The following ASGR2 variants were observed in gnomAD, a reference collection of about 807,000 sequenced individuals.
ASGR2 encodes C-type lectin domain family 4 member H2.
A neutral mutation model predicts 32.3 loss-of-function variants in ASGR2; 34 were observed. That is an observed-to-expected ratio of 1.05 (90% CI 0.80 to 1.40). The LOEUF (loss-of-function observed/expected upper bound fraction) is 1.40, where lower values mean the gene tolerates loss of function less well. Among genes scored for constraint, ASGR2 ranks in the 40% most tolerant of loss-of-function variants. The pLI is 0.00. For missense variants in ASGR2, 385 were observed against 386.4 expected, an observed-to-expected ratio of 1.00 and a Z score of 0.03; for synonymous variants, 143 against 150.0, an observed-to-expected ratio of 0.95 and a Z score of 0.34.
intron 7 of ASGR2, among the ~76,000 whole-genome samples, chr17:7,104,701 G>T (rs1187493779): frequency 1.3e-5 from 2 of 151,400 alleles, no homozygotes; most frequent in Non-Finnish European, 2.9e-5. Flanking sequence ...GAGGGGCCGG[G>T]CGTGGTGGCT....
chr17:7,104,264 C>G (rs1597375532), intron 7 of ASGR2, among the ~76,000 whole-genome samples: 1 of 147,932 alleles, frequency 6.8e-6, no homozygotes, highest in South Asian at 2.2e-4. Context: ...AGGAGAATCG[C>G]TTGAACCTGG....
At position 7,114,039 on chromosome 17, in the gene ASGR2, C is replaced by A; in HGVS notation, c.124+78G>T. 1 of 1,580,914 alleles carries A rather than the reference C, an allele frequency of 6.3e-7. No individual in the cohort carries two copies. Among genetic ancestry groups the A allele is most frequent in the Non-Finnish European group, 8.6e-7 (1 of 1,162,944 alleles). The stretch of plus-strand genomic sequence containing the variant: ...TCAGTCCCTGTTCACAGAGTGGGTG[C>A]GGCAGAGACCTCAAAGGGACAGAGC... On this transcript the variant is annotated intron_variant, in intron 2 of 8. Transcript: ENST00000691900. This position sits in a 1 kb window ranked among gnomAD's most constrained non-coding sequence, Gnocchi z 4.5.
chr17:7,101,464 A>G lies in ASGR2; in HGVS notation c.*111T>C, dbSNP rs909137640. The G allele has an allele frequency of 1.1e-5, 15 of 1,411,636 alleles. No homozygotes were observed. The African/African-American group carries it at 1.4e-4, about 13-fold the overall frequency. The allele number at this position is 1,411,636 out of a possible 1,614,324, so 87.4% of individuals were successfully genotyped here. On this transcript the variant is annotated 3_prime_UTR_variant, in exon 9 of 9. Coordinates refer to ENST00000691900, the MANE Select transcript of ASGR2 (RefSeq NM_001201352.2). ...AACTACCTCCTTTCTCTCTTTGCTC[A>G]GCTCTTCCCCATACCCCTGTCTCAG...
Position 7,114,667 on chromosome 17 carries a change from T to G in ASGR2, c.-123A>C. The G allele has an allele frequency of 9.8e-7, 1 of 1,024,572 alleles. No individual in the cohort carries two copies. The highest frequency in any genetic ancestry group is 1.2e-6 in the Non-Finnish European group (1 of 853,278). 63.5% of individuals were successfully genotyped at this position (1,024,572 alleles called of 1,614,324 possible). ...TGGCTCCCGCAGGCAACCCTGGCCT[T>G]GGCCAAGGAGGGGTTAAAGCCAGGA... On this transcript the variant is annotated 5_prime_UTR_variant, in exon 1 of 9. Transcript: ENST00000691900. The surrounding 1 kb of genome is among the most constrained non-coding windows in gnomAD (Gnocchi z 4.5).
Position 7,108,582 on chromosome 17 carries a change from G to A in ASGR2, c.242-25C>T. ...CCTTGTCAGGTGGTAGTGGGGGCAGGATGAGGCAGAGGGGCCGTGTCCCCA... is the reference window on the plus strand; with the variant it reads ...CCTTGTCAGGTGGTAGTGGGGGCAGAATGAGGCAGAGGGGCCGTGTCCCCA... On this transcript the variant is annotated intron_variant, in intron 3 of 8. Transcript: ENST00000691900. The surrounding 1 kb of genome is among the most constrained non-coding windows in gnomAD (Gnocchi z 4.9). 1 of 1,605,738 alleles carries A rather than the reference G, an allele frequency of 6.2e-7. No individual in the cohort carries two copies. Among genetic ancestry groups the A allele is most frequent in the African/African-American group, 1.3e-5 (1 of 74,922 alleles).
At position 7,108,530 on chromosome 17, in the gene ASGR2, C is replaced by G; in HGVS notation, c.269G>C (p.Ser90Thr). 1 of 1,609,316 alleles carries G rather than the reference C, an allele frequency of 6.2e-7. No homozygotes were observed. The highest frequency in any genetic ancestry group is 2.2e-5 in the East Asian group (1 of 44,752). ...GAAGTTGCTGAAAGCTTCCTTCAGG[C>G]TCCGCAGCTCGGCTTGCAGCTGTGC... ...QSAQLQAELR[S>T]LKEAFSNFSS... The change falls in exon 4 of 9, where the codon AGC becomes ACC. Residue 90 changes from serine to threonine, a missense_variant. Transcript: ENST00000691900. The surrounding 1 kb of genome is among the most constrained non-coding windows in gnomAD (Gnocchi z 4.9).
In ASGR2 at chr17:7,108,318, T is replaced by G; in HGVS notation, c.337+144A>C. ...CTAACCTCGTCCGTCCCCACCTGCC[T>G]CCCTCCTATACATCCCCCAGGGCCC... On this transcript the variant is annotated intron_variant, in intron 4 of 8. Transcript: ENST00000691900. This position sits in a 1 kb window ranked among gnomAD's most constrained non-coding sequence, Gnocchi z 4.9. 1 of 826,024 alleles carries G rather than the reference T, an allele frequency of 1.2e-6. No homozygotes were observed. The highest frequency in any genetic ancestry group is 1.9e-6 in the Non-Finnish European group (1 of 536,404). 51.2% of individuals were successfully genotyped at this position (826,024 alleles called of 1,614,324 possible).
intron 2 of ASGR2, among the ~76,000 whole-genome samples, chr17:7,109,463 T>C (rs1458356695): frequency 6.6e-6 from 1 of 152,170 alleles, no homozygotes; most frequent in Non-Finnish European, 1.5e-5. Context: ...CATTCCACCA[T>C]AGCCCACTCT....
At position 7,114,265 on chromosome 17, in the gene ASGR2, G is replaced by A. The variant is rs1915190041; in HGVS notation, c.-25C>T. 1.2e-6 allele frequency: 2 copies of A among 1,612,690 alleles called. No individual in the cohort carries two copies. Among genetic ancestry groups the A allele is most frequent in the Admixed American group, 3.3e-5 (2 of 59,968 alleles). ...TGATGGGGCCCGGGCTGGAGCTGGA[G>A]CTGGAGCTGGGCTGGGCTGGGCTGA... On this transcript the variant is annotated 5_prime_UTR_variant, in exon 2 of 9. Coordinates refer to ENST00000691900, the MANE Select transcript of ASGR2 (RefSeq NM_001201352.2). This position sits in a 1 kb window ranked among gnomAD's most constrained non-coding sequence, Gnocchi z 4.5.
chr17:7,101,446 T>G lies in ASGR2; in HGVS notation c.*129A>C. On this transcript the variant is annotated 3_prime_UTR_variant, in exon 9 of 9. Coordinates refer to ENST00000691900, the MANE Select transcript of ASGR2 (RefSeq NM_001201352.2). ...CAGGGTCAGGGACTCTTAAACTACC[T>G]CCTTTCTCTCTTTGCTCAGCTCTTC... 1 of 1,263,024 alleles carries G rather than the reference T, an allele frequency of 7.9e-7. No individual in the cohort carries two copies. Among genetic ancestry groups the G allele is most frequent in the Non-Finnish European group, 1.1e-6 (1 of 937,430 alleles). 78.2% of individuals were successfully genotyped at this position (1,263,024 alleles called of 1,614,324 possible).
chr17:7,110,606 G>A (rs530733682), intron 2 of ASGR2, among the ~76,000 whole-genome samples: 8 of 152,276 alleles, frequency 5.3e-5, no homozygotes, highest in South Asian at 4.1e-4. Flanking sequence ...CCATTTTCTC[G>A]TGTGTAAAAT....
In ASGR2 at chr17:7,108,785, C is replaced by A. The variant is rs1291844291; in HGVS notation, c.228G>T (p.Val76=). 6.2e-7 allele frequency: 1 copy of A among 1,614,078 alleles called. No homozygotes were observed. The highest frequency in any genetic ancestry group is 2.2e-5 in the East Asian group (1 of 44,874). Reference sequence around the variant, plus strand: ...CGTGACCCTCACTTTGGGACCCAGTCACACAGATGACCACCAGCAGCAGGA... The same window carrying A: ...CGTGACCCTCACTTTGGGACCCAGTAACACAGATGACCACCAGCAGCAGGA... ...FNILLLVVIC[V]TGSQSAQLQA... is the part of the protein sequence containing the mutation. Residue 76 remains valine, a synonymous_variant, in exon 3 of 9, where the codon GTG becomes GTT. Coordinates refer to ENST00000691900, the MANE Select transcript of ASGR2 (RefSeq NM_001201352.2). This position sits in a 1 kb window ranked among gnomAD's most constrained non-coding sequence, Gnocchi z 4.9.
intron 7 of ASGR2, among the ~76,000 whole-genome samples, chr17:7,103,499 G>A (rs189322624): frequency 6.6e-5 from 10 of 152,264 alleles, no homozygotes; most frequent in African/African-American, 1.7e-4. Context: ...TATCCAGCCC[G>A]CCGTGTTAAA....
intron 7 of ASGR2, among the ~76,000 whole-genome samples, chr17:7,106,747 C>CA (rs1158570287): frequency 6.6e-6 from 1 of 151,526 alleles, no homozygotes; most frequent in African/African-American, 2.4e-5. Flanking sequence ...ACTAAAAATA[C>CA]AAAAAAATTA....
Position 7,107,481 on chromosome 17 carries a change from G to C in ASGR2, c.410-164C>G, listed in dbSNP as rs1297082114. 1.4e-6 allele frequency: 1 copy of C among 713,990 alleles called. No individual in the cohort carries two copies. Among genetic ancestry groups the C allele is most frequent in the Non-Finnish European group, 2.4e-6 (1 of 421,556 alleles). The allele number at this position is 713,990 out of a possible 1,614,324, so 44.2% of individuals were successfully genotyped here. The stretch of plus-strand genomic sequence containing the variant: ...ACCACAGACATGTACACCACACATA[G>C]ACCACACCACACACAGATCCATCAC... On this transcript the variant is annotated intron_variant, in intron 5 of 8. Coordinates refer to ENST00000691900, the MANE Select transcript of ASGR2 (RefSeq NM_001201352.2). This position sits in a 1 kb window ranked among gnomAD's most constrained non-coding sequence, Gnocchi z 5.0.
At position 7,107,853 on chromosome 17, in the gene ASGR2, T is replaced by A. The variant is rs1914051310; in HGVS notation, c.392A>T (p.Gln131Leu). ...TCTCTGACCTGCTTTCAGGTCCTGC[T>A]GCTGTTTCTCCAGCTTGGCTCCTAG... ...TSLGAKLEKQ[Q>L]QDLKADHDAL... Residue 131 changes from glutamine (Q) to leucine (L), a missense_variant, in exon 5 of 9, where the codon CAG (glutamine) becomes CTG (leucine). Gln to Leu is a moderately radical substitution (Grantham distance 113). Transcript: ENST00000691900. The surrounding 1 kb of genome is among the most constrained non-coding windows in gnomAD (Gnocchi z 5.0). 8 of 1,612,372 alleles carry A rather than the reference T, an allele frequency of 5.0e-6. No individual in the cohort carries two copies. The highest frequency in any genetic ancestry group is 1.3e-5 in the African/African-American group (1 of 74,980).
At chr17:7,104,656 A>T (rs947391202) in intron 7 of ASGR2, among the ~76,000 whole-genome samples, 1 of 151,378 alleles carries the variant, frequency 6.6e-6, no homozygotes, top group Non-Finnish European at 1.5e-5. Context: ...ATTTCAAAAA[A>T]TAAAAATAAA....
Position 7,108,679 on chromosome 17 carries a change from C to T in ASGR2, c.241+93G>A, listed in dbSNP as rs1914200239. The T allele has an allele frequency of 6.2e-7, 1 of 1,607,254 alleles. No individual in the cohort carries two copies. The highest frequency in any genetic ancestry group is 1.3e-5 in the African/African-American group (1 of 74,942). The stretch of plus-strand genomic sequence containing the variant: ...GCTTGTGCTCCACCCCGCCTCCATC[C>T]CTTCCCCTCCCATCGCCCCGATCGC... On this transcript the variant is annotated intron_variant, in intron 3 of 8. Transcript: ENST00000691900. This position sits in a 1 kb window ranked among gnomAD's most constrained non-coding sequence, Gnocchi z 4.9.
At position 7,114,647 on chromosome 17, in the gene ASGR2, C is replaced by A. The variant is rs920763; in HGVS notation, c.-103G>T. 0.11 allele frequency: 116,595 copies of A among 1,026,696 alleles called. 6,855 individuals are homozygous for A. Among genetic ancestry groups the A allele is most frequent in the East Asian group, 0.17 (1,842 of 11,106 alleles). The allele number at this position is 1,026,696 out of a possible 1,614,324, so 63.6% of individuals were successfully genotyped here. ...AGGTGTGGAGAGCGGACACCTGGCT[C>A]CCGCAGGCAACCCTGGCCTTGGCCA... On this transcript the variant is annotated 5_prime_UTR_variant, in exon 1 of 9. Transcript: ENST00000691900. This position sits in a 1 kb window ranked among gnomAD's most constrained non-coding sequence, Gnocchi z 4.5.
Sources: gnomAD v4.1 joint callset for allele counts (sites outside exome capture counted in the v4.1 genomes callset) on GRCh38, gnomAD v4.1.1 for gene constraint, Gnocchi (gnomAD v3.1) non-coding constraint, MANE v1.5 for transcripts, NCBI Gene and HGNC (gene_info 2026-07-23, HGNC 2026-07-21) for gene names.